Variants in GOT2 observed in about 807,000 individuals in gnomAD.
The protein encoded by GOT2 is glutamic-oxaloacetic transaminase 2.
In GOT2, 17 loss-of-function variants were observed where a neutral mutation model predicts 50.0. That is an observed-to-expected ratio of 0.34 (90% CI 0.23 to 0.51). GOT2 has a LOEUF of 0.51. GOT2 is among the 20% of genes least tolerant of loss of function. The pLI, the probability that GOT2 is intolerant of heterozygous loss-of-function variation, is 0.97. For missense variants in GOT2, 430 were observed against 559.6 expected, an observed-to-expected ratio of 0.77 and a Z score of 2.34; for synonymous variants, 172 against 204.9, an observed-to-expected ratio of 0.84 and a Z score of 1.37.
intron 1 of GOT2, among the ~76,000 whole-genome samples, chr16:58,726,388 G>A (rs1353667565): frequency 6.6e-6 from 1 of 152,152 alleles, no homozygotes. Flanking sequence ...GTTTCGCCGT[G>A]TTGGCCAGGC....
At chr16:58,710,459 T>C (rs934230860) in intron 8 of GOT2, among the ~76,000 whole-genome samples, 2 of 151,062 alleles carry the variant, frequency 1.3e-5, no homozygotes, top group African/African-American at 4.9e-5. Flanking sequence ...CTGGAACTCC[T>C]GGGCTCAAGT....
intron 1 of GOT2, among the ~76,000 whole-genome samples, chr16:58,726,264 C>CA (rs1360977026): frequency 6.6e-6 from 1 of 152,158 alleles, no homozygotes; most frequent in Admixed American, 6.5e-5. Context: ...CGGCTCACTG[C>CA]AACATCCGCC....
Position 58,718,021 on chromosome 16 carries a change from A to G in GOT2, c.702+175T>C, listed in dbSNP as rs117589715. On this transcript the variant is annotated intron_variant, in intron 6 of 9. Coordinates refer to ENST00000245206, the MANE Select transcript of GOT2 (RefSeq NM_002080.4). ...TACTTTCAAATACTCATGCGTCATC[A>G]ATCCCAGAACTGCTAATCACGCAAA... Among the ~76,000 whole-genome samples the G allele has an allele frequency of 9.1e-4, 139 of 152,356 alleles. 1 individual carries two copies. The East Asian group carries it at 0.018, about 20-fold the overall frequency.
intron 1 of GOT2, among the ~76,000 whole-genome samples, chr16:58,728,838 G>A (rs1291393704): frequency 6.6e-6 from 1 of 151,922 alleles, no homozygotes; most frequent in Non-Finnish European, 1.5e-5. Flanking sequence ...CCGCCACCAC[G>A]CCCGGCTAAT....
chr16:58,728,431 C>T (rs532338305), intron 1 of GOT2, among the ~76,000 whole-genome samples: 1 of 152,290 alleles, frequency 6.6e-6, no homozygotes, highest in South Asian at 2.1e-4. Flanking sequence ...CTGATGTTCG[C>T]TAATAGTCAT....
At chr16:58,716,454 G>A in intron 7 of GOT2, 1 of 609,226 alleles carries the variant, frequency 1.6e-6, no homozygotes, top group Non-Finnish European at 2.8e-6. Context: ...AGTTTCCTTT[G>A]CTGGAAAAAC....
At chr16:58,724,532 T>C (rs144875970) in intron 1 of GOT2, among the ~76,000 whole-genome samples, 2 of 152,226 alleles carry the variant, frequency 1.3e-5, no homozygotes, top group African/African-American at 4.8e-5. Flanking sequence ...AATGAATCCA[T>C]ACTGATACAT....
chr16:58,733,895 C>T, intron 1 of GOT2: 1 of 393,608 alleles, frequency 2.5e-6, no homozygotes, highest in Non-Finnish European at 4.5e-6. Context: ...GCGTTGCACG[C>T]CTTCCTGCAG....
chr16:58,716,443 C>T (rs2044693444), intron 7 of GOT2: 1 of 604,582 alleles, frequency 1.7e-6, no homozygotes, highest in South Asian at 2.2e-5. Context: ...AAGCAGTAAT[C>T]AGTTTCCTTT....
chr16:58,716,140 G>A lies in GOT2; in HGVS notation c.893C>T (p.Ala298Val), dbSNP rs781130480. 34 of 1,613,636 alleles carry A rather than the reference G, an allele frequency of 2.1e-5. No individual in the cohort carries two copies. The highest frequency in any genetic ancestry group is 6.7e-5 in the Admixed American group (4 of 59,906). The change falls in exon 8 of 10, where the codon GCG (alanine) becomes GTG (valine). Residue 298 changes from alanine to valine, a missense_variant. By Grantham distance (64) the Ala-to-Val change is moderately conservative (BLOSUM62 0). Coordinates refer to ENST00000245206, the MANE Select transcript of GOT2 (RefSeq NM_002080.4). Reference sequence around the variant, plus strand: ...TGACTCTACCCTTTTGGCTTCATCCGCATCTTTGCAGACCATAGTGAAGGC... The same window carrying A: ...TGACTCTACCCTTTTGGCTTCATCCACATCTTTGCAGACCATAGTGAAGGC... ...VGAFTMVCKD[A>V]DEAKRVESQL... is the part of the protein sequence containing the mutation.
Position 58,734,206 on chromosome 16 carries a change from C to CCA in GOT2, c.22_23insTG (p.Arg8LeufsTer54). The CCA allele has an allele frequency of 7.5e-7, 1 of 1,335,290 alleles. No individual in the cohort carries two copies. Among genetic ancestry groups the CCA allele is most frequent in the Non-Finnish European group, 9.6e-7 (1 of 1,037,096 alleles). The allele number at this position is 1,335,290 out of a possible 1,614,324, so 82.7% of individuals were successfully genotyped here. Reference sequence around the variant, plus strand: ...GGCGGCGGCGATCCCGGGGAGGACGCGGCCGGAGTGCAGCAGGGCCATGGT... The same window carrying CCA: ...GGCGGCGGCGATCCCGGGGAGGACGCCAGGCCGGAGTGCAGCAGGGCCATGGT... On this transcript the variant is annotated frameshift_variant, in exon 1 of 10. Coordinates refer to ENST00000245206, the MANE Select transcript of GOT2 (RefSeq NM_002080.4). LOFTEE classifies it high-confidence loss of function.
intron 6 of GOT2, among the ~76,000 whole-genome samples, 174 bp downstream of exon 6, chr16:58,718,022 A>G (rs1280334537): frequency 6.6e-6 from 1 of 152,244 alleles, no homozygotes; most frequent in Non-Finnish European, 1.5e-5. Context: ...TGCGTCATCA[A>G]TCCCAGAACT....
intron 3 of GOT2, among the ~76,000 whole-genome samples, chr16:58,720,957 T>C (rs1341053818): frequency 1.3e-5 from 2 of 152,130 alleles, no homozygotes; most frequent in Admixed American, 6.6e-5. Context: ...TAGGTTGTTA[T>C]TTAGATGGAG....
chr16:58,716,875 A>G (rs890370577), intron 6 of GOT2, 62 bp from the exon 7 acceptor site: 7 of 1,498,308 alleles, frequency 4.7e-6, no homozygotes, highest in East Asian at 4.5e-5. Context: ...AGATGTTTAT[A>G]AAAGTCTGAA....
At chr16:58,724,022 T>G in intron 1 of GOT2, 120 bp from the exon 2 acceptor site, 1 of 817,468 alleles carries the variant, frequency 1.2e-6, no homozygotes, top group Non-Finnish European at 1.9e-6. Flanking sequence ...GGTGCTATCT[T>G]GGCTCACTGC....
intron 9 of GOT2, 129 bp downstream of exon 9, chr16:58,709,288 C>T (rs1170957698): frequency 2.5e-6 from 2 of 815,590 alleles, no homozygotes; most frequent in African/African-American, 3.6e-5. Context: ...AAAAACAAAA[C>T]AAAACAAAAC....
rs2044688898 is a variant in GOT2 at position 58,716,017 on chromosome 16, T to A, written c.1016A>T (p.Gln339Leu). 8.7e-6 allele frequency: 14 copies of A among 1,608,760 alleles called. No homozygotes were observed. The highest frequency in any genetic ancestry group is 1.3e-5 in the African/African-American group (1 of 74,552). The change falls in exon 8 of 10, where the codon CAA becomes CTA. Residue 339 changes from glutamine (Q) to leucine (L), a missense_variant. Coordinates refer to ENST00000245206, the MANE Select transcript of GOT2 (RefSeq NM_002080.4). ...AILNTPDLRK[Q>L]WLQEVKVMAD... ...GGGGAGTGGCATAAACCTTTACCAT[T>A]GTTTTCGCAAATCTGGGGTGTTCAG...
chr16:58,708,393 G>A lies in GOT2; in HGVS notation c.1171-100C>T, dbSNP rs150601875. ...CAACTTACCAACGCTCTATTTCCTCGCTTAAAACCTGTTCCCAGAATTTGC... is the reference window on the plus strand; with the variant it reads ...CAACTTACCAACGCTCTATTTCCTCACTTAAAACCTGTTCCCAGAATTTGC... On this transcript the variant is annotated intron_variant, in intron 9 of 9. Transcript: ENST00000245206. 4,473 of 1,142,228 alleles carry A rather than the reference G, an allele frequency of 3.9e-3. 87 individuals carry two copies. In the East Asian group the frequency reaches 0.045, roughly 12 times the overall value. The allele number at this position is 1,142,228 out of a possible 1,614,324, so 70.8% of individuals were successfully genotyped here. A position where few individuals can be genotyped will look rare whatever the true frequency, so the allele number is the denominator to read the frequency against.
At position 58,723,766 on chromosome 16, in the gene GOT2, C is replaced by G; in HGVS notation, c.226G>C (p.Val76Leu). 6.2e-7 allele frequency: 1 copy of G among 1,613,018 alleles called. No homozygotes were observed. The highest frequency in any genetic ancestry group is 8.5e-7 in the Non-Finnish European group (1 of 1,179,052). The change falls in exon 2 of 10, where the codon GTT becomes CTT. Residue 76 changes from valine (V) to leucine (L), a missense_variant. Transcript: ENST00000245206. Reference sequence around the variant, plus strand: ...CTCACCTTGCGGACGCTAGGCAGAACGTAAGGCTTTCCATTATCATCCCGG... The same window carrying G: ...CTCACCTTGCGGACGCTAGGCAGAAGGTAAGGCTTTCCATTATCATCCCGG... ...AYRDDNGKPY[V>L]LPSVRKAEAQ...
Sources: gnomAD v4.1 joint callset for allele counts (sites outside exome capture counted in the v4.1 genomes callset) on GRCh38, gnomAD v4.1.1 for gene constraint, MANE v1.5 for transcripts, NCBI Gene and HGNC (gene_info 2026-07-23, HGNC 2026-07-21) for gene names.